GLP1R: variants seen among roughly 807,000 people sequenced by gnomAD.
GLP1R encodes glucagon like peptide 1 receptor.
GLP1R carries 32 observed loss-of-function variants against 68.4 expected under a neutral mutation model. The observed-to-expected ratio is 0.47, with a 90% CI of 0.35 to 0.63. The LOEUF (loss-of-function observed/expected upper bound fraction) is 0.63, where lower values mean the gene tolerates loss of function less well. Among genes scored for constraint, GLP1R ranks in the 20% least tolerant of loss-of-function variants. The pLI, the probability that GLP1R is intolerant of heterozygous loss-of-function variation, is 0.00. For missense variants in GLP1R, 502 were observed against 594.9 expected, an observed-to-expected ratio of 0.84 and a Z score of 1.62; for synonymous variants, 263 against 244.4, an observed-to-expected ratio of 1.08 and a Z score of -0.71.
At chr6:39,072,348 C>T (rs1224675348) in intron 5 of GLP1R, among the ~76,000 whole-genome samples, 2 of 152,186 alleles carry the variant, frequency 1.3e-5, no homozygotes, top group Admixed American at 6.5e-5. Flanking sequence ...TTGATATTTG[C>T]CCCTGGTTAG....
chr6:39,078,298 CT>C, intron 7 of GLP1R, 23 bp from the exon 8 acceptor site: 1 of 1,592,716 alleles, frequency 6.3e-7, no homozygotes, highest in Non-Finnish European at 8.6e-7. Flanking sequence ...CCCCTCTCCC[CT>C]TCTGTCTTTC....
In GLP1R at chr6:39,086,087, G is replaced by T. The variant is rs1769137995; in HGVS notation, c.*14G>T. 1 of 1,612,034 alleles carries T rather than the reference G, an allele frequency of 6.2e-7. No individual in the cohort carries two copies. The highest frequency in any genetic ancestry group is 2.2e-5 in the East Asian group (1 of 44,846). On this transcript the variant is annotated 3_prime_UTR_variant, in exon 13 of 13. Coordinates refer to ENST00000373256, the MANE Select transcript of GLP1R (RefSeq NM_002062.5). This position sits in a 1 kb window ranked among gnomAD's most constrained non-coding sequence, Gnocchi z 4.5. ...TCCTGCAGCTGAGACTCCAGCGCCT[G>T]CCCTCCCTGGGGTCCTTGCTGCAGG...
chr6:39,089,608 A>C lies in GLP1R; in HGVS notation c.*3535A>C, dbSNP rs1460965731. The stretch of plus-strand genomic sequence containing the variant: ...TTCTTCCGCAAGGAAAGAACATTGC[A>C]TGTGGGCGTGTGTGTGTGTATGTGT... On this transcript the variant is annotated 3_prime_UTR_variant, in exon 13 of 13. Transcript: ENST00000373256. This position sits in a 1 kb window ranked among gnomAD's most constrained non-coding sequence, Gnocchi z 4.1. Among the ~76,000 whole-genome samples, 1 of 152,106 alleles carries C rather than the reference A, an allele frequency of 6.6e-6. No individual in the cohort carries two copies. Among genetic ancestry groups the C allele is most frequent in the Non-Finnish European group, 1.5e-5 (1 of 68,038 alleles).
chr6:39,060,080 A>T (rs1303517216), intron 3 of GLP1R, among the ~76,000 whole-genome samples: 2 of 152,128 alleles, frequency 1.3e-5, no homozygotes, highest in African/African-American at 2.4e-5. Context: ...TCCCTGAGTT[A>T]CGGATGCTCA....
intron 12 of GLP1R, among the ~76,000 whole-genome samples, chr6:39,083,240 C>T (rs1304019127): frequency 6.6e-6 from 1 of 152,178 alleles, no homozygotes; most frequent in Non-Finnish European, 1.5e-5. Context: ...CCCTTCAGAG[C>T]ACCAGCCAGT....
At chr6:39,065,931 T>A (rs1365000279) in intron 4 of GLP1R, 102 bp downstream of exon 4, 13 of 719,656 alleles carry the variant, frequency 1.8e-5, no homozygotes, top group Non-Finnish European at 2.5e-5. Flanking sequence ...TCTGTGGTCA[T>A]TTCATCCATC....
Position 39,048,792 on chromosome 6 carries a change from C to T in GLP1R, c.-49C>T, listed in dbSNP as rs1377923032. 10 of 866,252 alleles carry T rather than the reference C, an allele frequency of 1.2e-5. No individual in the cohort carries two copies. Among genetic ancestry groups the T allele is most frequent in the Non-Finnish European group, 1.6e-5 (9 of 553,828 alleles). 53.7% of individuals were successfully genotyped at this position (866,252 alleles called of 1,614,324 possible). Reference sequence around the variant, plus strand: ...GCCACCAGCCCGGGATCAGTCTCCGCACGCGGTTCCGCAGGTGGCAGCGAT... The same window carrying T: ...GCCACCAGCCCGGGATCAGTCTCCGTACGCGGTTCCGCAGGTGGCAGCGAT... On this transcript the variant is annotated 5_prime_UTR_variant, in exon 1 of 13. Transcript: ENST00000373256.
In GLP1R at chr6:39,065,696, G is replaced by T. The variant is rs1325349777; in HGVS notation, c.284-15G>T. On this transcript the variant is annotated splice_polypyrimidine_tract_variant and intron_variant, in intron 3 of 12. Transcript: ENST00000373256. ...ATTCTGGGCTGAGGCTCAGGGCCAG[G>T]TCTCCCCACCCCAGTGCCGCAGGGC... 1.3e-6 allele frequency: 2 copies of T among 1,529,884 alleles called. No homozygotes were observed. The highest frequency in any genetic ancestry group is 1.2e-5 in the South Asian group (1 of 83,766). 94.8% of individuals were successfully genotyped at this position (1,529,884 alleles called of 1,614,324 possible).
intron 3 of GLP1R, among the ~76,000 whole-genome samples, chr6:39,065,014 CT>C (rs1768464647): frequency 6.6e-6 from 1 of 152,162 alleles, no homozygotes; most frequent in African/African-American, 2.4e-5. Context: ...TGGGTATTCC[CT>C]TTTTCTATGG....
At chr6:39,072,716 A>T (rs772951562) in intron 5 of GLP1R, 146 bp from the exon 6 acceptor site, 10 of 660,806 alleles carry the variant, frequency 1.5e-5, no homozygotes, top group Non-Finnish European at 2.3e-5. Context: ...CACGATGATG[A>T]GGAAGAAGGG....
At position 39,073,639 on chromosome 6, in the gene GLP1R, G is replaced by A. The variant is rs1281468642; in HGVS notation, c.693G>A (p.Leu231=). 1 of 1,613,850 alleles carries A rather than the reference G, an allele frequency of 6.2e-7. No homozygotes were observed. Among genetic ancestry groups the A allele is most frequent in the Non-Finnish European group, 8.5e-7 (1 of 1,179,920 alleles). The part of the protein sequence containing the change: ...QDSLSCRLVF[L]LMQYCVAANY... The stretch of plus-strand genomic sequence containing the variant: ...CTCTGAGCTGCCGCCTGGTGTTTCT[G>A]CTCATGCAGTACTGTGTGGCGGCCA... The change falls in exon 7 of 13, where the codon CTG becomes CTA. Residue 231 remains leucine (L), a synonymous_variant. Coordinates refer to ENST00000373256, the MANE Select transcript of GLP1R (RefSeq NM_002062.5).
intron 5 of GLP1R, among the ~76,000 whole-genome samples, chr6:39,069,347 T>G (rs1768596253): frequency 6.6e-6 from 1 of 152,144 alleles, no homozygotes; most frequent in South Asian, 2.1e-4. Flanking sequence ...AAGATTGAAA[T>G]TTTTGGCCGG....
intron 3 of GLP1R, among the ~76,000 whole-genome samples, chr6:39,061,534 C>T (rs569225942): frequency 3.9e-5 from 6 of 152,236 alleles, no homozygotes; most frequent in African/African-American, 9.6e-5. Flanking sequence ...GGGGTTTTTA[C>T]GACAGCCTGG....
At chr6:39,073,099 A>G in intron 6 of GLP1R, 84 bp downstream of exon 6, 7 of 1,309,516 alleles carry the variant, frequency 5.3e-6, no homozygotes, top group East Asian at 2.3e-5. Flanking sequence ...GGCCTGGGAC[A>G]GGAGAAGACA....
chr6:39,071,507 T>C (rs935944937), intron 5 of GLP1R, among the ~76,000 whole-genome samples: 2 of 152,144 alleles, frequency 1.3e-5, no homozygotes, highest in Non-Finnish European at 2.9e-5. Context: ...ATGATATAAA[T>C]AAAGGATTTC....
At chr6:39,061,468 A>G (rs1768355989) in intron 3 of GLP1R, among the ~76,000 whole-genome samples, 1 of 152,146 alleles carries the variant, frequency 6.6e-6, no homozygotes, top group African/African-American at 2.4e-5. Context: ...AATAACCTAT[A>G]ACTCACAGTT....
At position 39,088,347 on chromosome 6, in the gene GLP1R, G is replaced by A. The variant is rs1254112140; in HGVS notation, c.*2274G>A. Among the ~76,000 whole-genome samples, 2 of 151,760 alleles carry A rather than the reference G, an allele frequency of 1.3e-5. No homozygotes were observed. The highest frequency in any genetic ancestry group is 6.6e-5 in the Admixed American group (1 of 15,198). On this transcript the variant is annotated 3_prime_UTR_variant, in exon 13 of 13. Coordinates refer to ENST00000373256, the MANE Select transcript of GLP1R (RefSeq NM_002062.5). ...TCAAATGGCACTGCACTCTTTCCAA[G>A]CTTTCCTAAGCTAAATATGGCTCCA...
rs939954351 is a variant in GLP1R, at chr6:39,079,959, C to T, written c.1182+257C>T. 6.6e-6 allele frequency among the ~76,000 whole-genome samples: 1 copy of T among 152,196 alleles called. No individual in the cohort carries two copies. The highest frequency in any genetic ancestry group is 1.5e-5 in the Non-Finnish European group (1 of 68,022). On this transcript the variant is annotated intron_variant, in intron 11 of 12. Coordinates refer to ENST00000373256, the MANE Select transcript of GLP1R (RefSeq NM_002062.5). This position sits in a 1 kb window ranked among gnomAD's most constrained non-coding sequence, Gnocchi z 4.5. ...TCTGGGTACCAGCCTGGCATTGCAG[C>T]TGCCATCTACTTGGTGGCGAGCACC... is the stretch of plus-strand genomic sequence containing the variant.
intron 12 of GLP1R, among the ~76,000 whole-genome samples, chr6:39,083,647 C>T (rs561874060): frequency 3.9e-5 from 6 of 152,272 alleles, no homozygotes; most frequent in South Asian, 2.1e-4. Context: ...GCCTCCCTTG[C>T]CTCTGTCTCC....
Sources: gnomAD v4.1 joint callset for allele counts (sites outside exome capture counted in the v4.1 genomes callset) on GRCh38, gnomAD v4.1.1 for gene constraint, Gnocchi (gnomAD v3.1) non-coding constraint, MANE v1.5 for transcripts, NCBI Gene and HGNC (gene_info 2026-07-23, HGNC 2026-07-21) for gene names.